AOAH: variants seen among roughly 807,000 people sequenced by gnomAD.
AOAH encodes the protein acyloxyacyl hydrolase, also known as acyloxyacyl hydrolase (neutrophil).
Under a neutral mutation model 92.2 loss-of-function variants are expected in AOAH, and 64 were observed. The ratio of observed to expected loss-of-function variants is 0.69; its 90% CI spans 0.57 to 0.86. The LOEUF (loss-of-function observed/expected upper bound fraction) is 0.86. AOAH is among the 40% of genes least tolerant of loss of function. The pLI, the probability that AOAH is intolerant of heterozygous loss-of-function variation, is 0.00. For synonymous variants in AOAH, 263 were observed against 254.5 expected, an observed-to-expected ratio of 1.03 and a Z score of -0.32; for missense variants, 656 against 694.6, an observed-to-expected ratio of 0.94 and a Z score of 0.62.
chr7:36,674,651 G>C lies in AOAH; in HGVS notation c.224-642C>G, dbSNP rs192086655. ...TGAAACTTGTTAGCTCTTTGGTCCT[G>C]TTTCTCCAGTTTGTGAGTCTATTGT... On this transcript the variant is annotated intron_variant, in intron 2 of 20. Coordinates refer to ENST00000617537, the MANE Select transcript of AOAH (RefSeq NM_001637.4). 5.6e-4 allele frequency among the ~76,000 whole-genome samples: 85 copies of C among 152,330 alleles called. 1 individual carries two copies. Among genetic ancestry groups the C allele is most frequent in the African/African-American group, 2.0e-3 (82 of 41,560 alleles).
At chr7:36,669,123 G>A (rs1262185425) in intron 3 of AOAH, among the ~76,000 whole-genome samples, 2 of 152,126 alleles carry the variant, frequency 1.3e-5, no homozygotes, top group Non-Finnish European at 2.9e-5. Context: ...CAGAGCCTGT[G>A]GCAGGGTTAG....
At chr7:36,527,934 G>C (rs1030762843) in intron 19 of AOAH, among the ~76,000 whole-genome samples, 1 of 152,192 alleles carries the variant, frequency 6.6e-6, no homozygotes, top group Non-Finnish European at 1.5e-5. Flanking sequence ...AGTTAAAAAT[G>C]TCTTTTGCAG....
chr7:36,638,679 C>G (rs1338998302), intron 4 of AOAH, among the ~76,000 whole-genome samples: 2 of 152,150 alleles, frequency 1.3e-5, no homozygotes, highest in Non-Finnish European at 2.9e-5. Flanking sequence ...ATGTGCATGT[C>G]CTGGCCCTGC....
intron 1 of AOAH, among the ~76,000 whole-genome samples, chr7:36,704,840 T>C (rs560049003): frequency 3.8e-4 from 58 of 152,298 alleles, no homozygotes; most frequent in Non-Finnish European, 5.3e-4. Context: ...TGGTTCAACA[T>C]ATGCAAATCA....
At position 36,671,297 on chromosome 7, in the gene AOAH, A is replaced by G. The variant is rs974694894; in HGVS notation, c.290+2646T>C. 2.6e-5 allele frequency among the ~76,000 whole-genome samples: 4 copies of G among 152,108 alleles called. No homozygotes were observed. In the East Asian group the frequency reaches 7.7e-4, roughly 29 times the overall value. On this transcript the variant is annotated intron_variant, in intron 3 of 20. Transcript: ENST00000617537. ...TTAAGTATTACACCTGGGCCTGGAG[A>G]TACAAAGCTCTCTCCTTTTCCCCCC...
intron 4 of AOAH, among the ~76,000 whole-genome samples, chr7:36,640,303 C>T (rs1407042427): frequency 6.8e-6 from 1 of 146,198 alleles, no homozygotes; most frequent in Non-Finnish European, 1.5e-5. Context: ...TGGGTTTCTG[C>T]TGGAAATTGG....
intron 1 of AOAH, among the ~76,000 whole-genome samples, chr7:36,696,338 G>A (rs915949275): frequency 1.3e-5 from 2 of 152,112 alleles, no homozygotes; most frequent in Non-Finnish European, 2.9e-5. Context: ...GATTAGAATT[G>A]TGTTTAATCT....
intron 12 of AOAH, 59 bp downstream of exon 12, chr7:36,594,280 T>G (rs912221573): frequency 2.2e-6 from 3 of 1,360,516 alleles, no homozygotes; most frequent in African/African-American, 2.9e-5. Context: ...AACCCCCATC[T>G]CTTGTTCTTT....
intron 4 of AOAH, among the ~76,000 whole-genome samples, chr7:36,639,747 C>T (rs1253853493): frequency 1.3e-5 from 2 of 152,196 alleles, no homozygotes; most frequent in Non-Finnish European, 2.9e-5. Context: ...GCTCCGTGCA[C>T]TGATATGCAA....
intron 3 of AOAH, among the ~76,000 whole-genome samples, chr7:36,669,392 T>G (rs1044597414): frequency 3.3e-5 from 5 of 151,312 alleles, no homozygotes; most frequent in Non-Finnish European, 7.4e-5. Context: ...TTTTTTTTTT[T>G]TTTTAATTTA....
At chr7:36,640,886 A>G (rs1457358042) in intron 4 of AOAH, among the ~76,000 whole-genome samples, 2 of 152,166 alleles carry the variant, frequency 1.3e-5, no homozygotes, top group Non-Finnish European at 2.9e-5. Flanking sequence ...AAGAGCCTGC[A>G]GGAAGCTCAT....
intron 20 of AOAH, among the ~76,000 whole-genome samples, chr7:36,515,588 C>T (rs2115679294): frequency 8.0e-6 from 1 of 124,714 alleles, no homozygotes; most frequent in African/African-American, 3.1e-5. Context: ...ACACCACACA[C>T]ATACCACACC....
intron 1 of AOAH, among the ~76,000 whole-genome samples, chr7:36,698,927 T>C (rs939954869): frequency 1.3e-5 from 2 of 152,124 alleles, no homozygotes; most frequent in African/African-American, 4.8e-5. Flanking sequence ...GGTATGCATT[T>C]GTACCCATTA....
At chr7:36,634,570 C>A (rs755198675) in intron 5 of AOAH, among the ~76,000 whole-genome samples, 3 of 152,046 alleles carry the variant, frequency 2.0e-5, no homozygotes, top group Non-Finnish European at 2.9e-5. Context: ...TGCCCCTGGC[C>A]GAATAAATCC....
intron 11 of AOAH, among the ~76,000 whole-genome samples, chr7:36,615,849 C>T (rs1791831718): frequency 2.0e-5 from 3 of 151,728 alleles, no homozygotes; most frequent in Non-Finnish European, 4.4e-5. Flanking sequence ...CCTTCTCTGT[C>T]ATTGTTTGCA....
intron 3 of AOAH, among the ~76,000 whole-genome samples, chr7:36,673,554 A>G (rs915234000): frequency 2.0e-5 from 3 of 152,226 alleles, no homozygotes; most frequent in Non-Finnish European, 4.4e-5. Flanking sequence ...GAAAAAAGGA[A>G]AAAAAGAAAA....
chr7:36,593,189 C>T (rs904737191), intron 12 of AOAH, among the ~76,000 whole-genome samples: 1 of 152,182 alleles, frequency 6.6e-6, no homozygotes, highest in Non-Finnish European at 1.5e-5. Context: ...GCCTTAATTG[C>T]AATTGACTAC....
chr7:36,684,365 G>A (rs1280651443), intron 2 of AOAH, among the ~76,000 whole-genome samples: 1 of 152,114 alleles, frequency 6.6e-6, no homozygotes, highest in African/African-American at 2.4e-5. Context: ...AAAACTAACT[G>A]CTTGCTGTGA....
chr7:36,576,276 C>G (rs1788491151), intron 13 of AOAH, among the ~76,000 whole-genome samples: 1 of 152,212 alleles, frequency 6.6e-6, no homozygotes, highest in Non-Finnish European at 1.5e-5. Flanking sequence ...TCATTTAGGT[C>G]TTGCCTCCTG....
Sources: gnomAD v4.1 joint callset for allele counts (sites outside exome capture counted in the v4.1 genomes callset) on GRCh38, gnomAD v4.1.1 for gene constraint, MANE v1.5 for transcripts, NCBI Gene and HGNC (gene_info 2026-07-23, HGNC 2026-07-21) for gene names.